The following CCDC141 variants were observed in gnomAD, a reference collection of about 807,000 sequenced individuals.
The protein encoded by CCDC141 is coiled-coil domain-containing protein 141.
CCDC141 carries 168 observed loss-of-function variants against 181.0 expected under a neutral mutation model. The ratio of observed to expected loss-of-function variants is 0.93; its 90% CI spans 0.82 to 1.05. The LOEUF is 1.05. CCDC141 is among the 50% of genes least tolerant of loss of function. The pLI, the probability that CCDC141 is intolerant of heterozygous loss-of-function variation, is 0.00. For missense variants in CCDC141, 1,902 were observed against 1,788.5 expected (o/e 1.06, Z -1.14); for synonymous variants, 666 against 642.3 (o/e 1.04, Z -0.56).
chr2:178,883,585 G>A (rs2154370345), intron 11 of CCDC141, among the ~76,000 whole-genome samples: 1 of 152,200 alleles, frequency 6.6e-6, no homozygotes, highest in East Asian at 1.9e-4. Flanking sequence ...GAGGTAAGAA[G>A]GAAGGTGTTG....
chr2:179,018,148 G>A (rs2042594967), intron 2 of CCDC141, among the ~76,000 whole-genome samples: 1 of 152,066 alleles, frequency 6.6e-6, no homozygotes, highest in Non-Finnish European at 1.5e-5. Flanking sequence ...TTTAAGGACA[G>A]CCCATTTTAT....
chr2:179,015,265 A>T (rs1482770373), intron 2 of CCDC141, among the ~76,000 whole-genome samples: 5 of 4,578 alleles, frequency 1.1e-3, no homozygotes, highest in African/African-American at 1.5e-3. Context: ...CATATATATC[A>T]TATATATCTC....
intron 8 of CCDC141, among the ~76,000 whole-genome samples, chr2:178,903,343 AC>A (rs1375714628): frequency 6.6e-6 from 1 of 152,004 alleles, no homozygotes; most frequent in Non-Finnish European, 1.5e-5. Context: ...AATAGCAAAG[AC>A]TTGGAACCAA....
chr2:178,957,040 C>A (rs1201696354), intron 5 of CCDC141, among the ~76,000 whole-genome samples: 1 of 152,130 alleles, frequency 6.6e-6, no homozygotes, highest in Non-Finnish European at 1.5e-5. Context: ...CCATGCCTGG[C>A]TAATTTTGTA....
chr2:178,911,323 C>T (rs1295530101), intron 7 of CCDC141, among the ~76,000 whole-genome samples: 3 of 152,104 alleles, frequency 2.0e-5, no homozygotes, highest in Non-Finnish European at 4.4e-5. Flanking sequence ...GCACAATGTC[C>T]TTGTAAGGTA....
chr2:178,958,367 G>A (rs1243469819), intron 5 of CCDC141, among the ~76,000 whole-genome samples: 1 of 152,000 alleles, frequency 6.6e-6, no homozygotes, highest in Non-Finnish European at 1.5e-5. Flanking sequence ...TATTCTGAGG[G>A]GGGATGCTGA....
chr2:178,834,533 C>T (rs1219164501), intron 23 of CCDC141, 93 bp from the exon 24 acceptor site: 2 of 1,315,980 alleles, frequency 1.5e-6, no homozygotes, highest in East Asian at 2.5e-5. Flanking sequence ...CCCATTACCA[C>T]TGCAATATTC....
chr2:178,866,281 G>T (rs1685847200), intron 16 of CCDC141, among the ~76,000 whole-genome samples: 1 of 152,190 alleles, frequency 6.6e-6, no homozygotes, highest in African/African-American at 2.4e-5. Context: ...CTAACCTCAG[G>T]TTCATTATGC....
At chr2:179,002,209 G>A in intron 2 of CCDC141, 1 of 257,044 alleles carries the variant, frequency 3.9e-6, no homozygotes, top group Non-Finnish European at 7.7e-6. Context: ...GTCCACATCA[G>A]TGGTAGGAAT....
At position 178,872,384 on chromosome 2, in the gene CCDC141, T is replaced by C. The variant is rs1686158784; in HGVS notation, c.1900-72A>G. On this transcript the variant is annotated intron_variant, in intron 12 of 23. Coordinates refer to ENST00000443758, the MANE Select transcript of CCDC141 (RefSeq NM_173648.4). ...ACAGCTTTTTGTTGTATATAACTATTTTACGAGGCAAATTCTTTATCACAA... is the reference window on the plus strand; with the variant it reads ...ACAGCTTTTTGTTGTATATAACTATCTTACGAGGCAAATTCTTTATCACAA... 4 of 1,345,566 alleles carry C rather than the reference T, an allele frequency of 3.0e-6. No homozygotes were observed. The South Asian group carries it at 5.8e-5, about 19-fold the overall frequency. 83.4% of individuals were successfully genotyped at this position (1,345,566 alleles called of 1,614,324 possible).
At chr2:178,909,228 T>C (rs180899806) in intron 7 of CCDC141, among the ~76,000 whole-genome samples, 1 of 148,812 alleles carries the variant, frequency 6.7e-6, no homozygotes, top group Admixed American at 6.6e-5. Context: ...GAGGGAATGA[T>C]ATATCAAGGA....
chr2:178,824,502 C>T, the CCDC141 span, among the ~76,000 whole-genome samples: 34,207 of 151,418 alleles, frequency 0.23, 6,515 homozygotes, highest in East Asian at 0.74. Context: ...TGCACCTGTG[C>T]CAGCTACTCA....
chr2:178,955,515 TAC>T (rs1225134851), intron 5 of CCDC141, among the ~76,000 whole-genome samples: 1 of 152,232 alleles, frequency 6.6e-6, no homozygotes, highest in African/African-American at 2.4e-5. Context: ...CAGAATACTA[TAC>T]ACTTATTAAA....
At chr2:179,041,972 T>C (rs1260491411) in intron 2 of CCDC141, among the ~76,000 whole-genome samples, 1 of 152,198 alleles carries the variant, frequency 6.6e-6, no homozygotes, top group Non-Finnish European at 1.5e-5. Context: ...CGTGGGAGAC[T>C]TTAACACCAC....
chr2:178,869,908 G>C (rs543720229), intron 14 of CCDC141, among the ~76,000 whole-genome samples: 225 of 152,268 alleles, frequency 1.5e-3, no homozygotes, highest in African/African-American at 5.2e-3. Context: ...TTCTGGAATA[G>C]AATTTGCAAA....
At chr2:178,939,431 G>A (rs1267003831) in intron 6 of CCDC141, among the ~76,000 whole-genome samples, 1 of 152,104 alleles carries the variant, frequency 6.6e-6, no homozygotes, top group South Asian at 2.1e-4. Context: ...CAGGAGATAT[G>A]CCAGGGGAGA....
chr2:179,037,929 G>T (rs1051822616), intron 2 of CCDC141, among the ~76,000 whole-genome samples: 16 of 152,226 alleles, frequency 1.1e-4, no homozygotes, highest in Non-Finnish European at 2.4e-4. Context: ...TGATGCAGTT[G>T]CTGCGGAAAA....
intron 17 of CCDC141, among the ~76,000 whole-genome samples, chr2:178,858,054 A>G (rs1479418955): frequency 1.3e-5 from 2 of 152,180 alleles, no homozygotes; most frequent in African/African-American, 4.8e-5. Flanking sequence ...ATACTTAATC[A>G]GTGTTGTTTA....
intron 6 of CCDC141, among the ~76,000 whole-genome samples, chr2:178,928,987 T>G (rs1689004507): frequency 6.6e-6 from 1 of 152,218 alleles, no homozygotes. Context: ...AAATGACATC[T>G]GCTTTTACCT....
Sources: gnomAD v4.1 joint callset for allele counts (sites outside exome capture counted in the v4.1 genomes callset) on GRCh38, gnomAD v4.1.1 for gene constraint, MANE v1.5 for transcripts, NCBI Gene and HGNC (gene_info 2026-07-23, HGNC 2026-07-21) for gene names.